Variants in CLEC1A observed in about 807,000 individuals in gnomAD.
CLEC1A encodes C-type lectin domain family 1 member A, also known as C-type lectin-like receptor-1.
A neutral mutation model predicts 28.7 loss-of-function variants in CLEC1A; 34 were observed. The observed-to-expected ratio is 1.18, with a 90% CI of 0.90 to 1.57. The LOEUF is 1.57. CLEC1A is among the 40% of genes most tolerant of loss of function. The pLI, the probability that CLEC1A is intolerant of heterozygous loss-of-function variation, is 0.00. For synonymous variants in CLEC1A, 116 were observed against 121.0 expected (o/e 0.96, Z 0.27); for missense variants, 385 against 339.5 (o/e 1.13, Z -1.05).
rs530099061 is a variant in CLEC1A, at chr12:10,075,565, C to T, written c.482G>A (p.Cys161Tyr). ...FYKDSKSWEDCKYFCLSENST... is the reference protein window; with the variant it reads ...FYKDSKSWEDYKYFCLSENST... ...GTTTTCACTAAGGCAGAAATATTTA[C>T]AGTCCTCCCAACTTTTGCTGTCTTT... The change falls in exon 4 of 6, where the codon TGT (cysteine) becomes TAT (tyrosine). Residue 161 changes from cysteine to tyrosine, a missense_variant. Coordinates refer to ENST00000315330, the MANE Select transcript of CLEC1A (RefSeq NM_016511.4). 3.1e-6 allele frequency: 5 copies of T among 1,613,868 alleles called. No homozygotes were observed. The highest frequency in any genetic ancestry group is 3.4e-6 in the Non-Finnish European group (4 of 1,179,910).
At chr12:10,096,334 A>T (rs904012942) in intron 1 of CLEC1A, among the ~76,000 whole-genome samples, 1 of 152,150 alleles carries the variant, frequency 6.6e-6, no homozygotes, top group African/African-American at 2.4e-5. Flanking sequence ...GTCTCCTCAC[A>T]TGTAACCAAT....
chr12:10,091,414 G>C (rs868024061), intron 1 of CLEC1A, among the ~76,000 whole-genome samples: 6 of 151,620 alleles, frequency 4.0e-5, no homozygotes, highest in Non-Finnish European at 5.9e-5. Context: ...TTTTTTGTAG[G>C]CTATTGATTT....
intron 2 of CLEC1A, among the ~76,000 whole-genome samples, chr12:10,087,472 TTATATATATATATATATATATATA>T (rs200437169): frequency 1.6e-4 from 12 of 75,182 alleles, no homozygotes; most frequent in South Asian, 1.3e-3. Flanking sequence ...TACCTCAAAG[TTATATATATATATATATATATATA>T]TATATATATA....
chr12:10,091,616 G>A (rs1053840650), intron 1 of CLEC1A, among the ~76,000 whole-genome samples: 8 of 150,082 alleles, frequency 5.3e-5, no homozygotes, highest in Admixed American at 2.0e-4. Context: ...TGGTTTTCTC[G>A]TGGTATTGAC....
At chr12:10,084,820 T>TC (rs1866448982) in intron 2 of CLEC1A, among the ~76,000 whole-genome samples, 1 of 9,606 alleles carries the variant, frequency 1.0e-4, no homozygotes, top group South Asian at 1.4e-3. Flanking sequence ...AGACTCTGTA[T>TC]CAAAAAAAAA....
chr12:10,086,442 A>C (rs1391327322), intron 2 of CLEC1A, among the ~76,000 whole-genome samples: 1 of 152,138 alleles, frequency 6.6e-6, no homozygotes, highest in Non-Finnish European at 1.5e-5. Flanking sequence ...AAATCAATAG[A>C]ACGTTAGCAA....
intron 3 of CLEC1A, among the ~76,000 whole-genome samples, chr12:10,076,523 AT>A (rs1460430303): frequency 1.3e-5 from 2 of 152,200 alleles, no homozygotes; most frequent in African/African-American, 2.4e-5. Context: ...TTGTCATGTT[AT>A]GAAAAACTTG....
chr12:10,081,162 C>T, intron 3 of CLEC1A, 75 bp downstream of exon 3: 1 of 1,312,648 alleles, frequency 7.6e-7, no homozygotes, highest in East Asian at 2.5e-5. Context: ...ATACTTGACT[C>T]TCACTTTCAC....
chr12:10,070,506 T>C lies in CLEC1A; in HGVS notation c.*827A>G, dbSNP rs995971221. The C allele has an allele frequency of 2.0e-5, 3 of 152,234 alleles. No homozygotes were observed. The highest frequency in any genetic ancestry group is 7.2e-5 in the African/African-American group (3 of 41,460). 9.4% of individuals were successfully genotyped at this position (152,234 alleles called of 1,614,324 possible). A position where few individuals can be genotyped will look rare whatever the true frequency, so the allele number is the denominator to read the frequency against. On this transcript the variant is annotated 3_prime_UTR_variant, in exon 6 of 6. Transcript: ENST00000315330. ...TTCACAGTATTTACATTTATTATTA[T>C]TAAATCTTCAGTACCTGAAAGGTAT... is the stretch of plus-strand genomic sequence containing the variant.
At chr12:10,081,111 G>A in intron 3 of CLEC1A, 126 bp downstream of exon 3, 1 of 757,988 alleles carries the variant, frequency 1.3e-6, no homozygotes, top group South Asian at 2.1e-5. Context: ...TGATCTTGAA[G>A]CCCAAACCCT....
intron 3 of CLEC1A, among the ~76,000 whole-genome samples, chr12:10,078,638 A>G (rs1189727331): frequency 6.6e-6 from 1 of 152,192 alleles, no homozygotes; most frequent in African/African-American, 2.4e-5. Context: ...CCTGGGACCT[A>G]GAGTTTCCCA....
At chr12:10,082,235 G>C (rs554495896) in intron 2 of CLEC1A, among the ~76,000 whole-genome samples, 1 of 152,110 alleles carries the variant, frequency 6.6e-6, no homozygotes, top group Non-Finnish European at 1.5e-5. Flanking sequence ...GGTGGGGAGC[G>C]GCGTGGCCTG....
chr12:10,079,336 T>G (rs1222404996), intron 3 of CLEC1A, among the ~76,000 whole-genome samples: 1 of 152,216 alleles, frequency 6.6e-6, no homozygotes, highest in Non-Finnish European at 1.5e-5. Context: ...AGATTAAAAC[T>G]GAGAACTGAC....
intron 2 of CLEC1A, among the ~76,000 whole-genome samples, chr12:10,088,063 T>A (rs1279341116): frequency 6.6e-6 from 1 of 152,168 alleles, no homozygotes; most frequent in Non-Finnish European, 1.5e-5. Flanking sequence ...CTTATTCAGT[T>A]ATTGAAATAG....
chr12:10,075,506 G>C lies in CLEC1A; in HGVS notation c.541C>G (p.Leu181Val). Reference protein sequence around the residue: ...TMLKINKQEDLEFAASQSYSE... With the variant: ...TMLKINKQEDVEFAASQSYSE... ...ATTGAAAAGCCTCAGAATCTTACCA[G>C]GTCTTCTTGTTTGTTTATCTTCAGC... The change falls in exon 4 of 6, where the codon CTG becomes GTG. Residue 181 changes from leucine (L) to valine (V), a missense_variant and splice_region_variant. Transcript: ENST00000315330. 2 of 1,613,598 alleles carry C rather than the reference G, an allele frequency of 1.2e-6. No homozygotes were observed. The highest frequency in any genetic ancestry group is 1.7e-6 in the Non-Finnish European group (2 of 1,179,780).
intron 2 of CLEC1A, 22 bp downstream of exon 2, chr12:10,089,102 C>T (rs1159740797): frequency 6.3e-7 from 1 of 1,580,912 alleles, no homozygotes; most frequent in Admixed American, 1.7e-5. Context: ...GGATCCTCCC[C>T]CAGGTCAGAG....
chr12:10,090,393 G>C (rs138187892), intron 1 of CLEC1A, among the ~76,000 whole-genome samples: 5 of 152,090 alleles, frequency 3.3e-5, no homozygotes, highest in Admixed American at 6.6e-5. Context: ...CGGAACTACA[G>C]GCACGTGCCA....
chr12:10,081,357 C>T lies in CLEC1A; in HGVS notation c.271G>A (p.Glu91Lys), dbSNP rs372611660. 3.7e-5 allele frequency: 59 copies of T among 1,613,156 alleles called. No homozygotes were observed. Among genetic ancestry groups the T allele is most frequent in the Non-Finnish European group, 4.8e-5 (57 of 1,179,692 alleles). Residue 91 changes from glutamate to lysine, a missense_variant, in exon 3 of 6, where the codon GAA becomes AAA. Transcript: ENST00000315330. Reference sequence around the variant, plus strand: ...TCTTGGGACGTATTTCCTAATCTTTCTTCCATTTGAGAAATGGTGTCTTGA... The same window carrying T: ...TCTTGGGACGTATTTCCTAATCTTTTTTCCATTTGAGAAATGGTGTCTTGA... Reference protein sequence around the residue: ...TGQDTISQMEERLGNTSQELQ... With the variant: ...TGQDTISQMEKRLGNTSQELQ...
intron 2 of CLEC1A, among the ~76,000 whole-genome samples, chr12:10,085,536 TAAAAAA>T (rs71049044): frequency 2.3e-4 from 30 of 128,700 alleles, no homozygotes; most frequent in African/African-American, 6.8e-4. Flanking sequence ...GCAAAAACAG[TAAAAAA>T]AAAAAAAAAA....
Sources: gnomAD v4.1 joint callset for allele counts (sites outside exome capture counted in the v4.1 genomes callset) on GRCh38, gnomAD v4.1.1 for gene constraint, MANE v1.5 for transcripts, NCBI Gene and HGNC (gene_info 2026-07-23, HGNC 2026-07-21) for gene names.